Variants in RORA observed in about 807,000 individuals in gnomAD.
RORA encodes the protein nuclear receptor ROR-alpha.
In RORA, 7 loss-of-function variants were observed where a neutral mutation model predicts 69.5. That is an observed-to-expected ratio of 0.10 (90% CI 0.06 to 0.19). The LOEUF (loss-of-function observed/expected upper bound fraction) is 0.19. Among genes scored for constraint, RORA ranks in the 10% least tolerant of loss-of-function variants. The pLI is 1.00. For missense variants in RORA, 457 were observed against 663.0 expected, an observed-to-expected ratio of 0.69 and a Z score of 3.41; for synonymous variants, 261 against 240.8, an observed-to-expected ratio of 1.08 and a Z score of -0.78.
chr15:61,210,884 C>T (rs1042242753), intron 1 of RORA, among the ~76,000 whole-genome samples: 2 of 152,242 alleles, frequency 1.3e-5, no homozygotes, highest in African/African-American at 4.8e-5. Flanking sequence ...AGCTATGATT[C>T]TCTTCCTACT....
At chr15:61,093,396 A>T (rs1328031323) in intron 1 of RORA, among the ~76,000 whole-genome samples, 1 of 152,194 alleles carries the variant, frequency 6.6e-6, no homozygotes, top group Non-Finnish European at 1.5e-5. Context: ...CACCAGCCAA[A>T]CAAATGATAT....
chr15:61,183,258 A>C (rs907948809), intron 1 of RORA, among the ~76,000 whole-genome samples: 7 of 152,214 alleles, frequency 4.6e-5, no homozygotes, highest in African/African-American at 1.7e-4. Context: ...AAATGTGGCC[A>C]GGCATGGTGG....
At chr15:60,583,556 A>G (rs1309772711) in intron 2 of RORA, among the ~76,000 whole-genome samples, 1 of 152,186 alleles carries the variant, frequency 6.6e-6, no homozygotes, top group African/African-American at 2.4e-5. Context: ...ACAAGGCTTT[A>G]TGACGAAAAG....
At chr15:60,757,665 G>A (rs532306415) in intron 1 of RORA, among the ~76,000 whole-genome samples, 1 of 152,300 alleles carries the variant, frequency 6.6e-6, no homozygotes, top group Admixed American at 6.5e-5. Flanking sequence ...ATCCCTGGAT[G>A]TGACTCCAGG....
intron 2 of RORA, among the ~76,000 whole-genome samples, chr15:60,612,875 C>G (rs170971): frequency 6.6e-6 from 1 of 151,954 alleles, no homozygotes; most frequent in South Asian, 2.1e-4. Flanking sequence ...ATTTTATTTT[C>G]GTTCAGGGTG....
At chr15:61,103,432 C>T (rs1223878900) in intron 1 of RORA, among the ~76,000 whole-genome samples, 2 of 152,148 alleles carry the variant, frequency 1.3e-5, no homozygotes, top group Non-Finnish European at 1.5e-5. Flanking sequence ...AGAAATAATC[C>T]ATGGGGTTAA....
chr15:60,793,346 C>G (rs778525910), intron 1 of RORA, among the ~76,000 whole-genome samples: 1 of 152,154 alleles, frequency 6.6e-6, no homozygotes, highest in African/African-American at 2.4e-5. Context: ...TCTTACACAC[C>G]AACATCCTTT....
chr15:61,014,347 G>A (rs560549176), intron 1 of RORA, among the ~76,000 whole-genome samples: 28 of 152,328 alleles, frequency 1.8e-4, no homozygotes, highest in Non-Finnish European at 3.8e-4. Context: ...ACAAGGCTGC[G>A]GATGTGGCTT....
chr15:61,184,986 C>CAA lies in RORA; in HGVS notation c.166+44065_166+44066dup, dbSNP rs775960162. Among the ~76,000 whole-genome samples, 116 of 59,642 alleles carry CAA rather than the reference C, an allele frequency of 1.9e-3. 7 individuals are homozygous for CAA. Among genetic ancestry groups the CAA allele is most frequent in the Admixed American group, 3.6e-3 (17 of 4,706 alleles). The allele number at this position is 59,642 out of a possible 152,430, so 39.1% of individuals were successfully genotyped here. A position where few individuals can be genotyped will look rare whatever the true frequency, so the allele number is the denominator to read the frequency against. ...GGCAAAGGAGCGAGACCCTGTCTCT[C>CAA]AAAAAAAAAAAAAAAAAAGAAGAAG... On this transcript the variant is annotated intron_variant, in intron 1 of 10. Transcript: ENST00000335670.
chr15:60,503,369 T>C (rs1036605226), intron 7 of RORA, among the ~76,000 whole-genome samples, 166 bp downstream of exon 7: 2 of 152,206 alleles, frequency 1.3e-5, no homozygotes, highest in African/African-American at 4.8e-5. Flanking sequence ...GTTTCCTGAA[T>C]ATATCTTAAA....
At chr15:60,832,732 C>T (rs551296542) in intron 1 of RORA, among the ~76,000 whole-genome samples, 17 of 152,122 alleles carry the variant, frequency 1.1e-4, no homozygotes, top group Admixed American at 4.6e-4. Flanking sequence ...AGTGTCATTC[C>T]CAAAAACATC....
intron 1 of RORA, among the ~76,000 whole-genome samples, chr15:61,075,220 G>C (rs1430250904): frequency 6.6e-6 from 1 of 152,084 alleles, no homozygotes; most frequent in Non-Finnish European, 1.5e-5. Flanking sequence ...CTGTGAAAAA[G>C]TTCCCAGACA....
At position 60,758,687 on chromosome 15, in the gene RORA, C is replaced by T. The variant is rs143045696; in HGVS notation, c.167-80001G>A. Reference sequence around the variant, plus strand: ...AAGTGAGTCCAACTGATATAATGGTCTCTCTCATTTTTTCCCTGCCATCGG... The same window carrying T: ...AAGTGAGTCCAACTGATATAATGGTTTCTCTCATTTTTTCCCTGCCATCGG... On this transcript the variant is annotated intron_variant, in intron 1 of 10. Transcript: ENST00000335670. Among the ~76,000 whole-genome samples, 516 of 152,222 alleles carry T rather than the reference C, an allele frequency of 3.4e-3. 3 individuals are homozygous for T. The highest frequency in any genetic ancestry group is 0.012 in the African/African-American group (485 of 41,524).
intron 3 of RORA, among the ~76,000 whole-genome samples, chr15:60,516,218 TA>T (rs1567052581): frequency 0.023 from 297 of 13,026 alleles, 14 homozygotes; most frequent in African/African-American, 0.065. Flanking sequence ...TTTATATATA[TA>T]TATTTATATA....
intron 2 of RORA, among the ~76,000 whole-genome samples, chr15:60,652,488 C>T (rs972303174): frequency 6.6e-6 from 1 of 152,070 alleles, no homozygotes; most frequent in East Asian, 1.9e-4. Context: ...TGGTAGATCC[C>T]GAGAATAGAC....
rs556306802 is a variant in RORA at position 60,578,618 on chromosome 15, C to T, written c.197-46767G>A. On this transcript the variant is annotated intron_variant, in intron 2 of 10. Transcript: ENST00000335670. ...ACAAGTACTTTTCCCTGGAGACAAA[C>T]ATGGTACTTAGTAGTATAAAGCAGA... is the stretch of plus-strand genomic sequence containing the variant. 5.9e-5 allele frequency among the ~76,000 whole-genome samples: 9 copies of T among 152,244 alleles called. No homozygotes were observed. The South Asian group carries it at 1.9e-3, about 32-fold the overall frequency.
chr15:60,753,093 G>C (rs1397086054), intron 1 of RORA, among the ~76,000 whole-genome samples: 1 of 152,146 alleles, frequency 6.6e-6, no homozygotes, highest in African/African-American at 2.4e-5. Context: ...TAAAAGATAT[G>C]ACAATAACAG....
At chr15:60,672,059 C>G (rs2070482161) in intron 2 of RORA, among the ~76,000 whole-genome samples, 4 of 152,162 alleles carry the variant, frequency 2.6e-5, no homozygotes, top group Admixed American at 2.0e-4. Flanking sequence ...TACACTCCCG[C>G]TTGGCCAACA....
intron 1 of RORA, among the ~76,000 whole-genome samples, chr15:60,969,525 GC>G (rs934841469): frequency 2.0e-5 from 3 of 152,204 alleles, no homozygotes; most frequent in African/African-American, 7.2e-5. Flanking sequence ...CAGGCAACAT[GC>G]AGCAGCCTCA....
Sources: allele counts gnomAD v4.1 joint callset (sites outside exome capture counted in the v4.1 genomes callset), GRCh38; gene constraint gnomAD v4.1.1; transcripts MANE v1.5; gene names NCBI Gene and HGNC (gene_info 2026-07-23, HGNC 2026-07-21).